Variants in GLRA3 observed in about 807,000 individuals in gnomAD.
The protein encoded by GLRA3 is glycine receptor subunit alpha-3.
In GLRA3, 44 loss-of-function variants were observed where a neutral mutation model predicts 60.4. The ratio of observed to expected loss-of-function variants is 0.73; its 90% CI spans 0.57 to 0.94. The LOEUF (loss-of-function observed/expected upper bound fraction) is 0.94, where lower values mean the gene tolerates loss of function less well. Ranked by LOEUF, GLRA3 falls within the 40% of genes least tolerant of loss-of-function variation. GLRA3 has a pLI of 0.00. For synonymous variants in GLRA3, 223 were observed against 192.9 expected (o/e 1.16, Z -1.29); for missense variants, 508 against 564.6 (o/e 0.90, Z 1.02).
chr4:174,825,445 G>A (rs1402240106), intron 1 of GLRA3, among the ~76,000 whole-genome samples: 1 of 151,944 alleles, frequency 6.6e-6, no homozygotes, highest in East Asian at 1.9e-4. Flanking sequence ...GTTTTGACAC[G>A]ATGTGCCCTA....
At chr4:174,768,721 T>A (rs1027317229) in intron 2 of GLRA3, among the ~76,000 whole-genome samples, 6 of 152,164 alleles carry the variant, frequency 3.9e-5, no homozygotes, top group African/African-American at 1.4e-4. Flanking sequence ...TAAAGCACAG[T>A]GACCCTACGT....
intron 3 of GLRA3, among the ~76,000 whole-genome samples, chr4:174,754,993 C>G (rs892135388): frequency 1.3e-5 from 2 of 151,982 alleles, no homozygotes; most frequent in Non-Finnish European, 2.9e-5. Flanking sequence ...AATAAAAAAG[C>G]CAAGTTCATT....
intron 2 of GLRA3, among the ~76,000 whole-genome samples, chr4:174,772,727 T>C (rs12645474): frequency 1.3e-5 from 2 of 152,016 alleles, no homozygotes; most frequent in African/African-American, 4.8e-5. Flanking sequence ...TTTGGAGCCA[T>C]AACAGATTCT....
intron 9 of GLRA3, among the ~76,000 whole-genome samples, chr4:174,652,499 G>A (rs1733056166): frequency 6.6e-6 from 1 of 151,972 alleles, no homozygotes; most frequent in South Asian, 2.1e-4. Flanking sequence ...AGAATGGTAG[G>A]CAACGAAGAA....
intron 5 of GLRA3, among the ~76,000 whole-genome samples, chr4:174,705,305 A>T (rs7684257): frequency 7.0e-6 from 1 of 142,296 alleles, no homozygotes; most frequent in Non-Finnish European, 1.6e-5. Context: ...ACGCCCTAGC[A>T]GATGCTGGCA....
At chr4:174,663,489 A>G (rs931805245) in intron 7 of GLRA3, among the ~76,000 whole-genome samples, 1 of 152,204 alleles carries the variant, frequency 6.6e-6, no homozygotes, top group African/African-American at 2.4e-5. Context: ...ATAATTTCCA[A>G]ATTAATTCAA....
At chr4:174,648,540 C>A (rs1732916189) in intron 9 of GLRA3, among the ~76,000 whole-genome samples, 1 of 152,128 alleles carries the variant, frequency 6.6e-6, no homozygotes, top group Non-Finnish European at 1.5e-5. Context: ...AAATGTAACA[C>A]CTCTACAGAA....
intron 4 of GLRA3, among the ~76,000 whole-genome samples, chr4:174,727,240 A>T (rs1736364174): frequency 1.3e-5 from 2 of 152,236 alleles, no homozygotes; most frequent in Admixed American, 1.3e-4. Flanking sequence ...TTGCAGAAAA[A>T]AACATTTTCA....
intron 2 of GLRA3, among the ~76,000 whole-genome samples, chr4:174,776,348 T>C (rs184814052): frequency 2.0e-5 from 3 of 152,222 alleles, no homozygotes; most frequent in Admixed American, 1.3e-4. Flanking sequence ...GGCCCTCCTA[T>C]AGCACCCAAG....
chr4:174,696,305 A>C (rs1299604005), intron 5 of GLRA3, among the ~76,000 whole-genome samples: 1 of 151,772 alleles, frequency 6.6e-6, no homozygotes, highest in African/African-American at 2.4e-5. Flanking sequence ...TCTGGATTAA[A>C]GTAAATGATA....
At chr4:174,757,905 G>A (rs112720935) in intron 3 of GLRA3, among the ~76,000 whole-genome samples, 8 of 152,118 alleles carry the variant, frequency 5.3e-5, no homozygotes, top group African/African-American at 1.4e-4. Flanking sequence ...TTTGGGTCAC[G>A]GGGGTGGATC....
At chr4:174,725,446 C>T (rs1736286262) in intron 4 of GLRA3, among the ~76,000 whole-genome samples, 2 of 152,274 alleles carry the variant, frequency 1.3e-5, no homozygotes, top group Admixed American at 6.5e-5. Flanking sequence ...GCAAATTTAT[C>T]ATGGCTACTT....
chr4:174,647,788 A>G (rs549793132), intron 9 of GLRA3, among the ~76,000 whole-genome samples: 1 of 152,326 alleles, frequency 6.6e-6, no homozygotes, highest in East Asian at 1.9e-4. Flanking sequence ...AAATTGAGAT[A>G]GTTTTCATTC....
chr4:174,728,436 C>T, intron 4 of GLRA3, 39 bp downstream of exon 4: 1 of 1,100,416 alleles, frequency 9.1e-7, no homozygotes. Context: ...CCATGATATT[C>T]TATTTCACTG....
chr4:174,698,009 G>A (rs59381996), intron 5 of GLRA3, among the ~76,000 whole-genome samples: 1 of 152,056 alleles, frequency 6.6e-6, no homozygotes, highest in African/African-American at 2.4e-5. Flanking sequence ...CTGCCTCCCA[G>A]GATGTTGGAG....
chr4:174,644,706 G>A (rs185105420), intron 9 of GLRA3, among the ~76,000 whole-genome samples: 2 of 152,112 alleles, frequency 1.3e-5, no homozygotes, highest in Admixed American at 6.6e-5. Context: ...TTGAAATTGT[G>A]AATTATATCT....
chr4:174,729,295 T>G (rs1736462015), intron 3 of GLRA3, among the ~76,000 whole-genome samples: 1 of 152,242 alleles, frequency 6.6e-6, no homozygotes, highest in Non-Finnish European at 1.5e-5. Context: ...CAGAATATAT[T>G]TAGTGAACTT....
chr4:174,649,238 G>T (rs1732944569), intron 9 of GLRA3, among the ~76,000 whole-genome samples: 1 of 152,132 alleles, frequency 6.6e-6, no homozygotes, highest in Non-Finnish European at 1.5e-5. Context: ...CTGGGGAACA[G>T]GAAAGCAATA....
At chr4:174,693,950 A>C (rs1734956151) in intron 5 of GLRA3, among the ~76,000 whole-genome samples, 1 of 152,216 alleles carries the variant, frequency 6.6e-6, no homozygotes, top group Admixed American at 6.5e-5. Flanking sequence ...GTTTTAGACC[A>C]AACAGATTTA....
Sources: gnomAD v4.1 joint callset for allele counts (sites outside exome capture counted in the v4.1 genomes callset) on GRCh38, gnomAD v4.1.1 for gene constraint, MANE v1.5 for transcripts, NCBI Gene and HGNC (gene_info 2026-07-23, HGNC 2026-07-21) for gene names.